Variants in CSNK2A2 observed in about 807,000 individuals in gnomAD.
CSNK2A2 encodes casein kinase 2 alpha 2.
A neutral mutation model predicts 54.0 loss-of-function variants in CSNK2A2; 8 were observed. The observed-to-expected ratio is 0.15, with a 90% CI of 0.09 to 0.27. The LOEUF (loss-of-function observed/expected upper bound fraction) is 0.27. CSNK2A2 is among the 10% of genes least tolerant of loss of function. CSNK2A2 has a pLI of 1.00. For missense variants in CSNK2A2, 242 were observed against 439.4 expected (o/e 0.55, Z 4.02); for synonymous variants, 141 against 153.9 (o/e 0.92, Z 0.62).
At chr16:58,188,243 A>T (rs1461840615) in intron 2 of CSNK2A2, among the ~76,000 whole-genome samples, 1 of 152,212 alleles carries the variant, frequency 6.6e-6, no homozygotes, top group Non-Finnish European at 1.5e-5. Context: ...GCCAGCTGCC[A>T]TGATGACACC....
intron 3 of CSNK2A2, 146 bp from the exon 4 acceptor site, chr16:58,184,456 T>C: frequency 1.8e-6 from 1 of 554,832 alleles, no homozygotes; most frequent in Non-Finnish European, 3.2e-6. Flanking sequence ...AAGTATTCTC[T>C]TGAAATTTTA....
intron 4 of CSNK2A2, 23 bp from the exon 5 acceptor site, chr16:58,174,533 G>GA: frequency 6.2e-7 from 1 of 1,604,084 alleles, no homozygotes; most frequent in Non-Finnish European, 8.5e-7. Flanking sequence ...CCAGAAAACA[G>GA]AAAGTTAATT....
chr16:58,173,476 C>T (rs1961794010), intron 5 of CSNK2A2, among the ~76,000 whole-genome samples: 1 of 152,136 alleles, frequency 6.6e-6, no homozygotes, highest in Non-Finnish European at 1.5e-5. Flanking sequence ...AATCTAGGAC[C>T]CATGGGTGTA....
intron 11 of CSNK2A2, chr16:58,161,534 C>G (rs796627491): frequency 7.4e-6 from 1 of 135,378 alleles, no homozygotes; most frequent in South Asian, 2.2e-4. Context: ...CAGACACACA[C>G]ACAGACACAC....
intron 2 of CSNK2A2, among the ~76,000 whole-genome samples, chr16:58,194,179 G>A (rs2731758): frequency 0.23 from 35,368 of 152,004 alleles, 4,644 homozygotes; most frequent in African/African-American, 0.33. Flanking sequence ...AATACAGCAG[G>A]CTTTTACAAA....
chr16:58,163,759 G>A (rs774683797), intron 11 of CSNK2A2: 10 of 221,696 alleles, frequency 4.5e-5, no homozygotes, highest in Non-Finnish European at 6.3e-5. Context: ...CAACAGTGGT[G>A]CCCTGTTAAA....
rs191939499 is a variant in CSNK2A2, at chr16:58,166,712, C to T, written c.727-28G>A. 3,721 of 1,518,142 alleles carry T rather than the reference C, an allele frequency of 2.5e-3. 100 individuals carry two copies. The East Asian group carries it at 0.061, about 25-fold the overall frequency. 94.0% of individuals were successfully genotyped at this position (1,518,142 alleles called of 1,614,324 possible). A position where few individuals can be genotyped will look rare whatever the true frequency, so the allele number is the denominator to read the frequency against. The stretch of plus-strand genomic sequence containing the variant: ...GAAACACAAAACAAACTGACCAAAT[C>T]ACTGAGCACAGAACACACCATGAGC... On this transcript the variant is annotated intron_variant, in intron 8 of 11. Transcript: ENST00000262506.
intron 11 of CSNK2A2, among the ~76,000 whole-genome samples, chr16:58,158,583 G>C (rs1961221063): frequency 6.6e-6 from 1 of 152,188 alleles, no homozygotes; most frequent in African/African-American, 2.4e-5. Flanking sequence ...TTCTGTCACA[G>C]GACGGGTGCT....
intron 5 of CSNK2A2, among the ~76,000 whole-genome samples, chr16:58,171,979 A>ATATATATATATATATATATATATT (rs1261137669): frequency 4.5e-5 from 3 of 66,184 alleles, no homozygotes; most frequent in African/African-American, 8.4e-5. Context: ...ATATATATAT[A>ATATATATATATATATATATATATT]TTTTTTTTTT....
intron 4 of CSNK2A2, among the ~76,000 whole-genome samples, chr16:58,179,286 G>A (rs533684868): frequency 5.9e-5 from 9 of 151,746 alleles, no homozygotes; most frequent in Non-Finnish European, 1.2e-4. Flanking sequence ...GATCACCTGA[G>A]GTAAGGGGTT....
At position 58,158,296 on chromosome 16, in the gene CSNK2A2, A is replaced by G. The variant is rs918812879; in HGVS notation, c.*75T>C. 1 of 152,644 alleles carries G rather than the reference A, an allele frequency of 6.6e-6. No individual in the cohort carries two copies. Among genetic ancestry groups the G allele is most frequent in the Non-Finnish European group, 1.5e-5 (1 of 68,046 alleles). The allele number at this position is 152,644 out of a possible 1,614,324, so 9.5% of individuals were successfully genotyped here. On this transcript the variant is annotated 3_prime_UTR_variant, in exon 12 of 12. Coordinates refer to ENST00000262506, the MANE Select transcript of CSNK2A2 (RefSeq NM_001896.4). ...GGAACGTGATCTCTCTATACGCGTT[A>G]AGACGTTTGATTTGGTTCTTGTTCT...
At chr16:58,169,589 A>T (rs1389756115) in intron 5 of CSNK2A2, among the ~76,000 whole-genome samples, 1 of 152,102 alleles carries the variant, frequency 6.6e-6, no homozygotes, top group Non-Finnish European at 1.5e-5. Flanking sequence ...GTCACCTCTC[A>T]TAATGGTTCA....
chr16:58,184,818 T>C (rs1450563183), intron 3 of CSNK2A2, among the ~76,000 whole-genome samples: 1 of 152,138 alleles, frequency 6.6e-6, no homozygotes, highest in African/African-American at 2.4e-5. Flanking sequence ...TATCATAGGT[T>C]GTGGGAATGT....
At chr16:58,158,644 G>C (rs986156677) in intron 11 of CSNK2A2, among the ~76,000 whole-genome samples, 1 of 152,136 alleles carries the variant, frequency 6.6e-6, no homozygotes, top group Non-Finnish European at 1.5e-5. Context: ...CCCATCCCTC[G>C]GGTCCAGGGT....
At chr16:58,188,955 CTTTT>C (rs57552824) in intron 2 of CSNK2A2, among the ~76,000 whole-genome samples, 1 of 99,622 alleles carries the variant, frequency 1.0e-5, no homozygotes, top group Non-Finnish European at 2.1e-5. Flanking sequence ...TAAAAACTGG[CTTTT>C]TTTTTTTTTT....
chr16:58,170,300 GGTA>G (rs1402211585), intron 5 of CSNK2A2, among the ~76,000 whole-genome samples: 1 of 151,930 alleles, frequency 6.6e-6, no homozygotes, highest in Non-Finnish European at 1.5e-5. Flanking sequence ...GCTATTTGCT[GGTA>G]TAGATTTGCC....
chr16:58,169,842 CAAGA>C (rs1961687182), intron 5 of CSNK2A2, among the ~76,000 whole-genome samples: 1 of 151,972 alleles, frequency 6.6e-6, no homozygotes, highest in Non-Finnish European at 1.5e-5. Context: ...GTCAGGAGTT[CAAGA>C]CCAGCCTGGC....
intron 5 of CSNK2A2, among the ~76,000 whole-genome samples, chr16:58,169,504 T>G (rs1356738944): frequency 2.0e-5 from 3 of 151,942 alleles, no homozygotes; most frequent in Non-Finnish European, 4.4e-5. Context: ...CACTCCAGCC[T>G]GGGCAAGAAA....
intron 4 of CSNK2A2, among the ~76,000 whole-genome samples, chr16:58,180,433 T>C (rs1373221723): frequency 6.6e-6 from 1 of 151,698 alleles, no homozygotes; most frequent in African/African-American, 2.4e-5. Flanking sequence ...GAATTCTTTG[T>C]CAATCAAATT....
Sources: gnomAD v4.1 joint callset for allele counts (sites outside exome capture counted in the v4.1 genomes callset) on GRCh38, gnomAD v4.1.1 for gene constraint, MANE v1.5 for transcripts, NCBI Gene and HGNC (gene_info 2026-07-23, HGNC 2026-07-21) for gene names.